Variants in KRT78 observed in about 807,000 individuals in gnomAD.
The protein encoded by KRT78 is keratin 78.
A neutral mutation model predicts 51.4 loss-of-function variants in KRT78; 55 were observed. That is an observed-to-expected ratio of 1.07 (90% CI 0.86 to 1.34). The LOEUF (loss-of-function observed/expected upper bound fraction) is 1.34, where lower values mean the gene tolerates loss of function less well. Ranked by LOEUF, KRT78 falls within the 40% of genes most tolerant of loss-of-function variation. The pLI, the probability that KRT78 is intolerant of heterozygous loss-of-function variation, is 0.00. For missense variants in KRT78, 652 were observed against 649.4 expected (o/e 1.00, Z -0.04); for synonymous variants, 291 against 264.3 (o/e 1.10, Z -0.98).
chr12:52,848,492 A>G, intron 1 of KRT78, 55 bp downstream of exon 1: 1 of 1,593,984 alleles, frequency 6.3e-7, no homozygotes, highest in African/African-American at 1.3e-5. Context: ...GTCCATCAAG[A>G]GCAGCTCCTC....
chr12:52,839,152 CT>C lies in KRT78; in HGVS notation c.1523del (p.Lys508ArgfsTer7). The C allele has an allele frequency of 6.2e-7, 1 of 1,613,458 alleles. No homozygotes were observed. The highest frequency in any genetic ancestry group is 8.5e-7 in the Non-Finnish European group (1 of 1,179,892). Reference protein sequence around the residue: ...AGSSCHTILKKTVESSLKTSI... With the variant: ...AGSSCHTILKXTVESSLKTSI... The stretch of plus-strand genomic sequence containing the variant: ...ATGTCTTCAGACTCGACTCAACTGT[CT>C]TCTTCAGGATGGTGTGGCAGCTGGA... On this transcript the variant is annotated frameshift_variant, in exon 9 of 9. Coordinates refer to ENST00000304620, the MANE Select transcript of KRT78 (RefSeq NM_173352.4). LOFTEE classifies it high-confidence loss of function.
Position 52,846,249 on chromosome 12 carries a change from T to G in KRT78, c.704A>C (p.Lys235Thr). 1 of 1,614,016 alleles carries G rather than the reference T, an allele frequency of 6.2e-7. No individual in the cohort carries two copies. Among genetic ancestry groups the G allele is most frequent in the South Asian group, 1.1e-5 (1 of 91,084 alleles). ...GAGGTACTCTCTCAGAGCCTCCAGC[T>G]TGCCCTCCAACTCCATCTTGCTCAG... ...VFLSKMELEG[K>T]LEALREYLYF... The change falls in exon 4 of 9, where the codon AAG becomes ACG. Residue 235 changes from lysine to threonine, a missense_variant. By Grantham distance (78) the Lys-to-Thr change is moderately conservative. Transcript: ENST00000304620.
Position 52,848,556 on chromosome 12 carries a change from G to A in KRT78, c.375C>T (p.Phe125=). ...CTGAGTTGACCCTCACCTTGTCAAT[G>A]AAGGAAGCAAACTGGTTGTTGAGGG... ...IRTLNNQFAS[F]IDKVRFLEQQ... The change falls in exon 1 of 9, where the codon TTC becomes TTT. Residue 125 remains phenylalanine, a synonymous_variant. Coordinates refer to ENST00000304620, the MANE Select transcript of KRT78 (RefSeq NM_173352.4). 1 of 1,614,022 alleles carries A rather than the reference G, an allele frequency of 6.2e-7. No individual in the cohort carries two copies. Among genetic ancestry groups the A allele is most frequent in the Non-Finnish European group, 8.5e-7 (1 of 1,179,924 alleles).
chr12:52,843,000 A>C (rs1464394715), intron 6 of KRT78, among the ~76,000 whole-genome samples: 1 of 83,422 alleles, frequency 1.2e-5, no homozygotes, highest in Non-Finnish European at 2.2e-5. Flanking sequence ...GAAGGAAGGA[A>C]GGAAGGAAGG....
chr12:52,843,777 G>A (rs1183321415), intron 6 of KRT78, among the ~76,000 whole-genome samples: 1 of 151,572 alleles, frequency 6.6e-6, no homozygotes, highest in African/African-American at 2.4e-5. Flanking sequence ...CTCCCCAAGG[G>A]GCTGAAAGCA....
rs1343332418 is a variant in KRT78 at position 52,837,825 on chromosome 12, T to A, written c.*1288A>T. ...ATTATACTTTTTCAAAAAGTCAATT[T>A]AATTGAACTACCTTGGATGAATTTA... On this transcript the variant is annotated 3_prime_UTR_variant, in exon 9 of 9. Coordinates refer to ENST00000304620, the MANE Select transcript of KRT78 (RefSeq NM_173352.4). The A allele has an allele frequency of 6.6e-6, 1 of 152,258 alleles. No homozygotes were observed. The highest frequency in any genetic ancestry group is 1.5e-5 in the Non-Finnish European group (1 of 68,050). 9.4% of individuals were successfully genotyped at this position (152,258 alleles called of 1,614,324 possible).
rs746700868 is a variant in KRT78, at chr12:52,848,690, C to G, written c.241G>C (p.Gly81Arg). 2 of 1,613,398 alleles carry G rather than the reference C, an allele frequency of 1.2e-6. No homozygotes were observed. The highest frequency in any genetic ancestry group is 2.7e-5 in the African/African-American group (2 of 74,990). Residue 81 changes from glycine to arginine, a missense_variant, in exon 1 of 9, where the codon GGG becomes CGG. By Grantham distance (125) the Gly-to-Arg change is moderately radical. Coordinates refer to ENST00000304620, the MANE Select transcript of KRT78 (RefSeq NM_173352.4). ...TTGATGGTCACTTCTTGGATGCCCC[C>G]CGGAGGGCACAGGGAGAGCCCAGGC... Reference protein sequence around the residue: ...GGPGLSLCPPGGIQEVTINQN... With the variant: ...GGPGLSLCPPRGIQEVTINQN...
Position 52,838,494 on chromosome 12 carries a change from T to C in KRT78, c.*619A>G, listed in dbSNP as rs1481238190. The C allele has an allele frequency of 6.5e-6, 1 of 154,548 alleles. No individual in the cohort carries two copies. Among genetic ancestry groups the C allele is most frequent in the Non-Finnish European group, 1.4e-5 (1 of 69,640 alleles). The allele number at this position is 154,548 out of a possible 1,614,324, so 9.6% of individuals were successfully genotyped here. ...CCTGGATGCAGGAGTGCCAGGCTAA[T>C]AGAGAAGCTGAGTCCCTTACCAGAG... On this transcript the variant is annotated 3_prime_UTR_variant, in exon 9 of 9. Transcript: ENST00000304620.
intron 2 of KRT78, among the ~76,000 whole-genome samples, chr12:52,847,330 G>A (rs183109485): frequency 3.9e-5 from 6 of 152,298 alleles, no homozygotes; most frequent in Non-Finnish European, 7.3e-5. Flanking sequence ...CGGGAGAGAT[G>A]AGATGCCTTG....
Position 52,848,753 on chromosome 12 carries a change from C to T in KRT78, c.178G>A (p.Gly60Ser), listed in dbSNP as rs146219664. Residue 60 changes from glycine to serine, a missense_variant, in exon 1 of 9, where the codon GGT (glycine) becomes AGT (serine). Transcript: ENST00000304620. ...TCCCCAAACCGCACCCCCAGCCTAC[C>T]CCCTGACCCCCAGGTACTCCCACGA... ...GSRGSTWGSG[G>S]RLGVRFGEWS... is the part of the protein sequence containing the mutation. The T allele has an allele frequency of 1.5e-4, 248 of 1,611,086 alleles. No homozygotes were observed. Among genetic ancestry groups the T allele is most frequent in the Non-Finnish European group, 1.9e-4 (220 of 1,178,668 alleles).
intron 6 of KRT78, among the ~76,000 whole-genome samples, chr12:52,840,399 G>A (rs1940465699): frequency 6.6e-6 from 1 of 152,096 alleles, no homozygotes; most frequent in South Asian, 2.1e-4. Context: ...AGAGAGAAGA[G>A]CTCATCAGAA....
intron 6 of KRT78, 45 bp from the exon 7 acceptor site, chr12:52,840,029 A>G (rs748935006): frequency 2.4e-5 from 34 of 1,419,100 alleles, no homozygotes; most frequent in Non-Finnish European, 3.1e-5. Flanking sequence ...TGTAAGTCCA[A>G]CATAGCCTCT....
intron 6 of KRT78, among the ~76,000 whole-genome samples, chr12:52,843,073 G>T (rs1347640017): frequency 1.3e-5 from 2 of 150,366 alleles, no homozygotes; most frequent in South Asian, 2.1e-4. Flanking sequence ...AAGAAAGAAA[G>T]AAAAGAGATG....
rs189577620 is a variant in KRT78 at position 52,844,297 on chromosome 12, C to T, written c.922-79G>A. The stretch of plus-strand genomic sequence containing the variant: ...CATCTCCTCATGTTTGAAAAGCCAC[C>T]TCTCACTCCTTATTTGGAGTGTGGG... On this transcript the variant is annotated intron_variant, in intron 5 of 8. Coordinates refer to ENST00000304620, the MANE Select transcript of KRT78 (RefSeq NM_173352.4). 669 of 1,474,214 alleles carry T rather than the reference C, an allele frequency of 4.5e-4. 4 individuals are homozygous for T. The African/African-American group carries it at 7.6e-3, about 17-fold the overall frequency. The allele number at this position is 1,474,214 out of a possible 1,614,324, so 91.3% of individuals were successfully genotyped here. A position where few individuals can be genotyped will look rare whatever the true frequency, so the allele number is the denominator to read the frequency against.
At chr12:52,843,367 A>T (rs1298949436) in intron 6 of KRT78, among the ~76,000 whole-genome samples, 1 of 142,926 alleles carries the variant, frequency 7.0e-6, no homozygotes, top group African/African-American at 2.6e-5. Context: ...CTCTGTCTCA[A>T]AAAAAAGAGA....
chr12:52,848,909 C>A lies in KRT78; in HGVS notation c.22G>T (p.Ala8Ser). The A allele has an allele frequency of 6.4e-7, 1 of 1,574,644 alleles. No homozygotes were observed. MSLSPCR[A>S]QRGFSARSAC... ...GAGCGAGCGCTGAAGCCCCTCTGGG[C>A]CCGGCATGGGGAGAGAGACATGGCA... Residue 8 changes from alanine (A) to serine (S), a missense_variant, in exon 1 of 9, where the codon GCC becomes TCC. Ala to Ser is a moderately conservative substitution (Grantham distance 99, BLOSUM62 1). Coordinates refer to ENST00000304620, the MANE Select transcript of KRT78 (RefSeq NM_173352.4).
chr12:52,848,600 C>T lies in KRT78; in HGVS notation c.331G>A (p.Glu111Lys). 6.2e-7 allele frequency: 1 copy of T among 1,614,060 alleles called. No homozygotes were observed. The highest frequency in any genetic ancestry group is 8.5e-7 in the Non-Finnish European group (1 of 1,179,980). The change falls in exon 1 of 9, where the codon GAG becomes AAG. Residue 111 changes from glutamate to lysine, a missense_variant. By Grantham distance (56) the Glu-to-Lys change is moderately conservative. Transcript: ENST00000304620. ...DPQFQVVRTQ[E>K]TQEIRTLNNQ... Reference sequence around the variant, plus strand: ...TTGAGGGTTCTGATCTCCTGGGTCTCCTGCGTCCGCACCACCTGGAACTGG... The same window carrying T: ...TTGAGGGTTCTGATCTCCTGGGTCTTCTGCGTCCGCACCACCTGGAACTGG...
chr12:52,846,753 C>T lies in KRT78; in HGVS notation c.660+11G>A. The stretch of plus-strand genomic sequence containing the variant: ...TCAGAACGTAAGTGGAGCACTGGCC[C>T]CCACCCTCACCTTCTTGAGGACCAC... On this transcript the variant is annotated intron_variant, in intron 3 of 8. Transcript: ENST00000304620. 3.1e-6 allele frequency: 5 copies of T among 1,612,292 alleles called. No homozygotes were observed. Among genetic ancestry groups the T allele is most frequent in the South Asian group, 2.2e-5 (2 of 90,836 alleles).
chr12:52,840,030 C>T (rs1168859790), intron 6 of KRT78, 46 bp from the exon 7 acceptor site: 5 of 1,398,834 alleles, frequency 3.6e-6, no homozygotes, highest in Admixed American at 3.6e-5. Context: ...GTAAGTCCAA[C>T]ATAGCCTCTC....
Sources: allele counts gnomAD v4.1 joint callset (sites outside exome capture counted in the v4.1 genomes callset), GRCh38; gene constraint gnomAD v4.1.1; transcripts MANE v1.5; gene names NCBI Gene and HGNC (gene_info 2026-07-23, HGNC 2026-07-21).